Variants in WDR25 observed in about 807,000 individuals in gnomAD.
WDR25 encodes WD repeat-containing protein 25.
In WDR25, 35 loss-of-function variants were observed where a neutral mutation model predicts 47.7. That is an observed-to-expected ratio of 0.73 (90% CI 0.56 to 0.97). WDR25 has a LOEUF of 0.97. WDR25 is among the 50% of genes least tolerant of loss of function. The pLI is 0.00. For missense variants in WDR25, 634 were observed against 704.7 expected (o/e 0.90, Z 1.14); for synonymous variants, 248 against 278.9 (o/e 0.89, Z 1.10).
At chr14:100,479,223 G>A (rs1900120239) in intron 3 of WDR25, among the ~76,000 whole-genome samples, 1 of 152,122 alleles carries the variant, frequency 6.6e-6, no homozygotes, top group Non-Finnish European at 1.5e-5. Flanking sequence ...TTGCTGCTCT[G>A]AGTCCCTGGC....
At chr14:100,380,821 A>G (rs1896866526) in intron 1 of WDR25, 89 bp from the exon 2 acceptor site, 1 of 1,232,176 alleles carries the variant, frequency 8.1e-7, no homozygotes, top group Non-Finnish European at 1.1e-6. Flanking sequence ...GTGTTGAGTT[A>G]TTGGATTTCC....
chr14:100,452,469 T>A (rs1488524361), intron 2 of WDR25, among the ~76,000 whole-genome samples: 1 of 152,028 alleles, frequency 6.6e-6, no homozygotes, highest in Non-Finnish European at 1.5e-5. Context: ...ATGAGAGCAG[T>A]GTTTAGATCG....
intron 2 of WDR25, among the ~76,000 whole-genome samples, chr14:100,393,421 A>G (rs1897185809): frequency 6.6e-6 from 1 of 152,074 alleles, no homozygotes; most frequent in Non-Finnish European, 1.5e-5. Context: ...CTCTCATTCA[A>G]GTGTGTTCTG....
At chr14:100,410,637 CT>C (rs1897680777) in intron 2 of WDR25, among the ~76,000 whole-genome samples, 1 of 152,026 alleles carries the variant, frequency 6.6e-6, no homozygotes, top group South Asian at 2.1e-4. Context: ...CTGAGAAGAG[CT>C]TGGTGTGTGG....
rs1024265823 is a variant in WDR25 at position 100,407,656 on chromosome 14, T to G, written c.822+25910T>G. On this transcript the variant is annotated intron_variant, in intron 2 of 6. Transcript: ENST00000402312. This position sits in a 1 kb window ranked among gnomAD's most constrained non-coding sequence, Gnocchi z 4.1. ...ACCCTGGCGCTCTGGGTATGTTGTT[T>G]CTGCAGGTTTGGGAGGCAGCTGTCC... The G allele has an allele frequency of 6.6e-6, 1 of 152,210 alleles. No individual in the cohort carries two copies. Among genetic ancestry groups the G allele is most frequent in the Non-Finnish European group, 1.5e-5 (1 of 68,064 alleles). The allele number at this position is 152,210 out of a possible 1,614,324, so 9.4% of individuals were successfully genotyped here. A position where few individuals can be genotyped will look rare whatever the true frequency, so the allele number is the denominator to read the frequency against.
intron 2 of WDR25, among the ~76,000 whole-genome samples, chr14:100,433,589 T>C (rs1420035409): frequency 2.6e-5 from 4 of 152,274 alleles, no homozygotes; most frequent in East Asian, 1.9e-4. Flanking sequence ...CCATGATTCT[T>C]ACCTGAGTCA....
intron 4 of WDR25, among the ~76,000 whole-genome samples, chr14:100,510,274 A>AC (rs1235492012): frequency 6.7e-6 from 1 of 149,686 alleles, no homozygotes; most frequent in Non-Finnish European, 1.5e-5. Context: ...CATGTCAAAA[A>AC]AAAAAAAAAT....
intron 4 of WDR25, among the ~76,000 whole-genome samples, chr14:100,508,363 TAAGAC>T (rs1046905038): frequency 1.3e-5 from 2 of 152,084 alleles, no homozygotes; most frequent in African/African-American, 4.8e-5. Context: ...AGAACTGGAA[TAAGAC>T]AAGGGTGCCT....
At chr14:100,465,572 G>A (rs1445338079) in intron 2 of WDR25, among the ~76,000 whole-genome samples, 1 of 152,206 alleles carries the variant, frequency 6.6e-6, no homozygotes, top group Non-Finnish European at 1.5e-5. Flanking sequence ...CTATTCCACT[G>A]TATGGATAGA....
At chr14:100,378,663 G>A (rs1896790889) in intron 1 of WDR25, among the ~76,000 whole-genome samples, 1 of 127,356 alleles carries the variant, frequency 7.9e-6, no homozygotes, top group Non-Finnish European at 1.8e-5. Flanking sequence ...CCTGGGGGAA[G>A]AATGTTCCAG....
At chr14:100,412,247 C>T (rs1389008836) in intron 2 of WDR25, among the ~76,000 whole-genome samples, 9 of 148,652 alleles carry the variant, frequency 6.1e-5, no homozygotes, top group Non-Finnish European at 8.9e-5. Flanking sequence ...TCCCTTGGTG[C>T]GTTATTCGGG....
At chr14:100,386,032 A>G (rs1897011627) in intron 2 of WDR25, among the ~76,000 whole-genome samples, 1 of 152,218 alleles carries the variant, frequency 6.6e-6, no homozygotes, top group African/African-American at 2.4e-5. Context: ...GAAAACCTGC[A>G]GTTCTGAAAC....
intron 4 of WDR25, among the ~76,000 whole-genome samples, chr14:100,515,223 A>G (rs1207021077): frequency 6.6e-6 from 1 of 152,046 alleles, no homozygotes; most frequent in Non-Finnish European, 1.5e-5. Flanking sequence ...AGTTTCTTTT[A>G]TCTGTGAGTT....
At chr14:100,412,477 A>G (rs1897739588) in intron 2 of WDR25, among the ~76,000 whole-genome samples, 1 of 152,162 alleles carries the variant, frequency 6.6e-6, no homozygotes. Context: ...GCTTCATGAG[A>G]TGACAGTGGA....
chr14:100,414,475 G>A (rs904455298), intron 2 of WDR25, among the ~76,000 whole-genome samples: 9 of 151,232 alleles, frequency 6.0e-5, no homozygotes, highest in African/African-American at 2.2e-4. Flanking sequence ...ACCATGCCCG[G>A]CTAATTTTTG....
intron 4 of WDR25, among the ~76,000 whole-genome samples, chr14:100,518,639 C>T (rs1419957674): frequency 1.3e-5 from 2 of 152,064 alleles, no homozygotes; most frequent in African/African-American, 4.8e-5. Context: ...ACCTGTAATC[C>T]TAGCACTTTG....
intron 3 of WDR25, among the ~76,000 whole-genome samples, chr14:100,477,659 T>G (rs1676248085): frequency 6.6e-6 from 1 of 152,198 alleles, no homozygotes; most frequent in Non-Finnish European, 1.5e-5. Context: ...ATGTTCAAGA[T>G]ATTTCACTGA....
chr14:100,423,160 T>C (rs1381867930), intron 2 of WDR25, among the ~76,000 whole-genome samples: 1 of 152,262 alleles, frequency 6.6e-6, no homozygotes, highest in Non-Finnish European at 1.5e-5. Context: ...TATGTGTTAT[T>C]ACAATAATAG....
At chr14:100,462,154 G>A (rs911524548) in intron 2 of WDR25, among the ~76,000 whole-genome samples, 1 of 152,154 alleles carries the variant, frequency 6.6e-6, no homozygotes, top group Non-Finnish European at 1.5e-5. Flanking sequence ...GGAACTCCTG[G>A]TGGGGCCATG....
Sources: allele counts gnomAD v4.1 joint callset (sites outside exome capture counted in the v4.1 genomes callset), GRCh38; gene constraint gnomAD v4.1.1; non-coding constraint Gnocchi (gnomAD v3.1); transcripts MANE v1.5; gene names NCBI Gene and HGNC (gene_info 2026-07-23, HGNC 2026-07-21).